The following TAF2 variants were observed in gnomAD, a reference collection of about 807,000 sequenced individuals.
TAF2 encodes transcription initiation factor TFIID subunit 2.
A neutral mutation model predicts 138.5 loss-of-function variants in TAF2; 61 were observed. The observed-to-expected ratio is 0.44, with a 90% CI of 0.36 to 0.54. The LOEUF (loss-of-function observed/expected upper bound fraction) is 0.54, where lower values mean the gene tolerates loss of function less well. Ranked by LOEUF, TAF2 falls within the 20% of genes least tolerant of loss-of-function variation. The pLI is 0.00. For synonymous variants in TAF2, 475 were observed against 469.9 expected, an observed-to-expected ratio of 1.01 and a Z score of -0.14; for missense variants, 1,090 against 1,427.9, an observed-to-expected ratio of 0.76 and a Z score of 3.81.
intron 23 of TAF2, among the ~76,000 whole-genome samples, 192 bp downstream of exon 23, chr8:119,746,513 G>A (rs1819986195): frequency 6.6e-6 from 1 of 151,552 alleles, no homozygotes; most frequent in African/African-American, 2.4e-5. Context: ...CATTCGTTAT[G>A]TGCAGTTTTA....
intron 18 of TAF2, among the ~76,000 whole-genome samples, chr8:119,769,032 T>C (rs1428119126): frequency 6.6e-6 from 1 of 152,134 alleles, no homozygotes; most frequent in Non-Finnish European, 1.5e-5. Flanking sequence ...GCAGCCCCCC[T>C]GCAGAGACTT....
intron 2 of TAF2, among the ~76,000 whole-genome samples, chr8:119,821,976 G>A (rs940293263): frequency 5.9e-5 from 9 of 152,102 alleles, no homozygotes; most frequent in African/African-American, 1.2e-4. Flanking sequence ...AGGCTGCAGC[G>A]AGTCATGATT....
chr8:119,806,214 T>C (rs189439793), intron 4 of TAF2, 69 bp downstream of exon 4: 9 of 1,300,762 alleles, frequency 6.9e-6, no homozygotes, highest in Middle Eastern at 1.9e-4. Flanking sequence ...TTAGTTCTCA[T>C]GTAAAATTCT....
intron 18 of TAF2, among the ~76,000 whole-genome samples, chr8:119,773,718 C>T (rs1443311857): frequency 6.6e-6 from 1 of 151,460 alleles, no homozygotes; most frequent in Non-Finnish European, 1.5e-5. Flanking sequence ...ACATATTCCT[C>T]CTCTCCTGTT....
chr8:119,789,835 G>C lies in TAF2; in HGVS notation c.1414-89C>G, dbSNP rs377495546. On this transcript the variant is annotated intron_variant, in intron 11 of 25. Coordinates refer to ENST00000378164, the MANE Select transcript of TAF2 (RefSeq NM_003184.4). ...CACTTTGCATTATAACTTTATTGTAGTCAATTATAGAAGACAATAATTTCA... is the reference window on the plus strand; with the variant it reads ...CACTTTGCATTATAACTTTATTGTACTCAATTATAGAAGACAATAATTTCA... 11 of 1,258,534 alleles carry C rather than the reference G, an allele frequency of 8.7e-6. No homozygotes were observed. In the East Asian group the frequency reaches 1.0e-4, roughly 12 times the overall value. The allele number at this position is 1,258,534 out of a possible 1,614,324, so 78.0% of individuals were successfully genotyped here.
intron 9 of TAF2, among the ~76,000 whole-genome samples, chr8:119,793,807 A>C (rs918495707): frequency 1.3e-5 from 2 of 151,774 alleles, no homozygotes; most frequent in African/African-American, 4.8e-5. Context: ...AATGGGAATA[A>C]ATTATGTCAG....
intron 7 of TAF2, 34 bp from the exon 8 acceptor site, chr8:119,797,137 C>A (rs746591334): frequency 3.2e-5 from 44 of 1,394,682 alleles, no homozygotes; most frequent in Middle Eastern, 3.5e-4. Context: ...CTCATTATAA[C>A]CAAGAAATAA....
chr8:119,744,695 G>A (rs558203463), intron 23 of TAF2: 15 of 422,932 alleles, frequency 3.5e-5, no homozygotes, highest in African/African-American at 3.0e-4. Context: ...CCCCCAAACA[G>A]AGAAGAATTA....
intron 6 of TAF2, among the ~76,000 whole-genome samples, chr8:119,801,491 C>G (rs1824257167): frequency 6.7e-6 from 1 of 149,552 alleles, no homozygotes; most frequent in Non-Finnish European, 1.5e-5. Context: ...TGCAGTGGCA[C>G]AATCTCAGCT....
intron 22 of TAF2, among the ~76,000 whole-genome samples, chr8:119,747,855 G>A (rs539842929): frequency 9.2e-5 from 14 of 152,322 alleles, no homozygotes; most frequent in African/African-American, 2.9e-4. Context: ...TAGGCATGGT[G>A]GCTCATGCCT....
At chr8:119,761,087 C>A (rs1821032733) in intron 19 of TAF2, among the ~76,000 whole-genome samples, 1 of 152,198 alleles carries the variant, frequency 6.6e-6, no homozygotes, top group South Asian at 2.1e-4. Flanking sequence ...CACTGATAAA[C>A]CCACAGCAGC....
Position 119,789,671 on chromosome 8 carries a change from A to G in TAF2, c.1489T>C (p.Leu497=). The G allele has an allele frequency of 6.2e-7, 1 of 1,613,974 alleles. No individual in the cohort carries two copies. The highest frequency in any genetic ancestry group is 8.5e-7 in the Non-Finnish European group (1 of 1,179,960). Residue 497 remains leucine, a synonymous_variant, in exon 12 of 26, where the codon TTG becomes CTG. Coordinates refer to ENST00000378164, the MANE Select transcript of TAF2 (RefSeq NM_003184.4). ...KFQSHMWSQM[L]VSTSGFLKSI... is the part of the protein sequence containing the mutation. ...TTCAAAAACCCAGATGTGGAAACCA[A>G]CATCTGACTCCACATATGTGACTGG...
intron 5 of TAF2, among the ~76,000 whole-genome samples, chr8:119,802,569 G>A (rs1218389979): frequency 6.6e-6 from 1 of 152,166 alleles, no homozygotes; most frequent in African/African-American, 2.4e-5. Flanking sequence ...TAGTATTGAA[G>A]CACAAAAGTG....
chr8:119,750,450 C>T (rs1364185467), intron 22 of TAF2, among the ~76,000 whole-genome samples: 2 of 152,228 alleles, frequency 1.3e-5, no homozygotes, highest in Admixed American at 1.3e-4. Flanking sequence ...ACCCAGCACT[C>T]CTTATTGATG....
In TAF2 at chr8:119,734,158, G is replaced by A. The variant is rs116671656; in HGVS notation, c.3338-1972C>T. 9.2e-3 allele frequency among the ~76,000 whole-genome samples: 1,395 copies of A among 152,182 alleles called. 20 individuals carry two copies. The highest frequency in any genetic ancestry group is 0.032 in the African/African-American group (1,325 of 41,508). ...CCAGGCTGGGAAACCCTGCTGCATC[G>A]TGGTCTTCCTAAACAAAGCTGCTTT... On this transcript the variant is annotated intron_variant, in intron 25 of 25. Coordinates refer to ENST00000378164, the MANE Select transcript of TAF2 (RefSeq NM_003184.4).
At chr8:119,764,424 CA>C (rs1821289685) in intron 18 of TAF2, among the ~76,000 whole-genome samples, 1 of 152,114 alleles carries the variant, frequency 6.6e-6, no homozygotes, top group Non-Finnish European at 1.5e-5. Flanking sequence ...TGTGGTTCCA[CA>C]ACAATAATGA....
In TAF2 at chr8:119,795,556, A is replaced by C. The variant is rs1317670681; in HGVS notation, c.1167T>G (p.Asn389Lys). ...GLWMKKTFGV[N>K]EYRHWIKEEL... Reference sequence around the variant, plus strand: ...CCTCTTTAATCCAATGGCGGTACTCATTAACACCAAAAGTTTTTTTCATCC... The same window carrying C: ...CCTCTTTAATCCAATGGCGGTACTCCTTAACACCAAAAGTTTTTTTCATCC... The change falls in exon 9 of 26, where the codon AAT (asparagine) becomes AAG (lysine). Residue 389 changes from asparagine (N) to lysine (K), a missense_variant. By Grantham distance (94) the Asn-to-Lys change is moderately conservative. This residue lies in a region of TAF2 where 504 missense variants were observed against 680.9 expected (regional missense o/e 0.74). Coordinates refer to ENST00000378164, the MANE Select transcript of TAF2 (RefSeq NM_003184.4). 2 of 1,613,694 alleles carry C rather than the reference A, an allele frequency of 1.2e-6. No individual in the cohort carries two copies. Among genetic ancestry groups the C allele is most frequent in the African/African-American group, 2.7e-5 (2 of 74,918 alleles).
At chr8:119,799,425 C>A (rs1037974618) in intron 6 of TAF2, among the ~76,000 whole-genome samples, 4 of 151,572 alleles carry the variant, frequency 2.6e-5, no homozygotes, top group Admixed American at 6.6e-5. Context: ...TTTGTCCTTG[C>A]GAGTTTGCTG....
chr8:119,765,424 T>C (rs1279932408), intron 18 of TAF2, among the ~76,000 whole-genome samples: 2 of 152,000 alleles, frequency 1.3e-5, no homozygotes, highest in African/African-American at 2.4e-5. Context: ...AGTTTTTCAA[T>C]AGGTAGAGGA....
Sources: gnomAD v4.1 joint callset for allele counts (sites outside exome capture counted in the v4.1 genomes callset) on GRCh38, gnomAD v4.1.1 for gene constraint, gnomAD v4.1.1 regional missense constraint, MANE v1.5 for transcripts, NCBI Gene and HGNC (gene_info 2026-07-23, HGNC 2026-07-21) for gene names.